The following MYCT1 variants were observed in gnomAD, a reference collection of about 807,000 sequenced individuals.
MYCT1 encodes the protein MYC target 1, also known as myc target protein 1.
In MYCT1, 12 loss-of-function variants were observed where a neutral mutation model predicts 15.0. The observed-to-expected ratio is 0.80, with a 90% CI of 0.51 to 1.29. The LOEUF is 1.29. Ranked by LOEUF, MYCT1 falls within the 50% of genes most tolerant of loss-of-function variation. The probability of loss-of-function intolerance (pLI) is 0.00; values close to 1 mark genes in which losing one functional copy is unlikely to be tolerated. For synonymous variants in MYCT1, 104 were observed against 102.7 expected, an observed-to-expected ratio of 1.01 and a Z score of -0.07; for missense variants, 287 against 279.1, an observed-to-expected ratio of 1.03 and a Z score of -0.20.
chr6:152,743,841 T>C, the MYCT1 span, among the ~76,000 whole-genome samples: 1 of 152,214 alleles, frequency 6.6e-6, no homozygotes, highest in Non-Finnish European at 1.5e-5. Context: ...AATGAGAACA[T>C]TAGTGTTCCA....
At position 152,724,232 on chromosome 6, in the gene MYCT1, A is replaced by C. The variant is rs958454818; in HGVS notation, c.*1979A>C. 7.3e-6 allele frequency: 1 copy of C among 137,292 alleles called. No homozygotes were observed. The highest frequency in any genetic ancestry group is 2.7e-5 in the African/African-American group (1 of 36,912). 8.5% of individuals were successfully genotyped at this position (137,292 alleles called of 1,614,324 possible). A position where few individuals can be genotyped will look rare whatever the true frequency, so the allele number is the denominator to read the frequency against. On this transcript the variant is annotated 3_prime_UTR_variant, in exon 2 of 2. Transcript: ENST00000367245. ...GGAATATTAACTTGGTATCAGGGCT[A>C]CTTTTTTTTTTTTTTTTTTACTTGC... is the stretch of plus-strand genomic sequence containing the variant.
the MYCT1 span, among the ~76,000 whole-genome samples, chr6:152,742,639 A>C: frequency 9.3e-4 from 141 of 152,294 alleles, no homozygotes; most frequent in African/African-American, 3.3e-3. Context: ...ACCCTATTTG[A>C]GTCTATAGAA....
chr6:152,716,822 A>C (rs2099723771), intron 1 of MYCT1, among the ~76,000 whole-genome samples: 1 of 152,236 alleles, frequency 6.6e-6, no homozygotes, highest in African/African-American at 2.4e-5. Context: ...CTGCTTTCAA[A>C]AGGAAAGTTA....
At chr6:152,702,523 G>A (rs1332661216) in intron 1 of MYCT1, among the ~76,000 whole-genome samples, 3 of 152,084 alleles carry the variant, frequency 2.0e-5, no homozygotes, top group African/African-American at 7.2e-5. Context: ...GATTTGTTGG[G>A]GATCAAGTGC....
At chr6:152,738,747 T>C in the MYCT1 span, among the ~76,000 whole-genome samples, 1 of 152,126 alleles carries the variant, frequency 6.6e-6, no homozygotes, top group Non-Finnish European at 1.5e-5. Flanking sequence ...CACATTTAGC[T>C]ACCATTTGTT....
chr6:152,733,210 C>T, the MYCT1 span, among the ~76,000 whole-genome samples: 16 of 152,124 alleles, frequency 1.1e-4, 1 homozygote, highest in African/African-American at 3.9e-4. Context: ...CTCAGGTGAT[C>T]CTGCCACATC....
At chr6:152,730,775 T>G in the MYCT1 span, among the ~76,000 whole-genome samples, 29 of 152,108 alleles carry the variant, frequency 1.9e-4, no homozygotes, top group Admixed American at 6.5e-4. Flanking sequence ...CAACATTAGA[T>G]TAGGTCACAA....
At chr6:152,704,997 C>G (rs1369027346) in intron 1 of MYCT1, among the ~76,000 whole-genome samples, 2 of 152,132 alleles carry the variant, frequency 1.3e-5, no homozygotes, top group Non-Finnish European at 2.9e-5. Flanking sequence ...CTCAGCATCT[C>G]CCTTTTTCCC....
rs745640994 is a variant in MYCT1, at chr6:152,722,260, T to C, written c.*7T>C. 6.3e-7 allele frequency: 1 copy of C among 1,582,116 alleles called. No homozygotes were observed. On this transcript the variant is annotated 3_prime_UTR_variant, in exon 2 of 2. Transcript: ENST00000367245. ...GGCATTCCCAGATTCCTGAGTAGGG[T>C]GGCTTTTGGTTTTTGTTTCTTTCTT...
chr6:152,741,779 G>A, the MYCT1 span, among the ~76,000 whole-genome samples: 2 of 152,114 alleles, frequency 1.3e-5, no homozygotes, highest in Non-Finnish European at 2.9e-5. Flanking sequence ...GCATTATTCA[G>A]ATGACTTAAA....
the MYCT1 span, among the ~76,000 whole-genome samples, chr6:152,745,952 C>T: frequency 6.6e-6 from 1 of 152,282 alleles, no homozygotes; most frequent in African/African-American, 2.4e-5. Context: ...TATTGTTCAG[C>T]CCCTACACTT....
chr6:152,700,766 C>G (rs2099721172), intron 1 of MYCT1, among the ~76,000 whole-genome samples: 1 of 152,156 alleles, frequency 6.6e-6, no homozygotes. Context: ...TCTCTCAGTA[C>G]TTGAGAGTCC....
At chr6:152,743,668 A>T in the MYCT1 span, among the ~76,000 whole-genome samples, 2 of 152,142 alleles carry the variant, frequency 1.3e-5, no homozygotes, top group Non-Finnish European at 2.9e-5. Flanking sequence ...CTCACAACCC[A>T]CTTGAAGAGA....
At chr6:152,729,898 C>T in the MYCT1 span, among the ~76,000 whole-genome samples, 8 of 152,134 alleles carry the variant, frequency 5.3e-5, no homozygotes, top group African/African-American at 1.9e-4. Context: ...GGGATCCAGA[C>T]AGAGTCAGGC....
intron 1 of MYCT1, among the ~76,000 whole-genome samples, chr6:152,720,473 C>G (rs1399467615): frequency 2.0e-5 from 3 of 152,106 alleles, no homozygotes; most frequent in Non-Finnish European, 4.4e-5. Flanking sequence ...AATTTTCAGG[C>G]TATGGCTCTC....
intron 1 of MYCT1, among the ~76,000 whole-genome samples, chr6:152,718,379 G>A (rs920835294): frequency 6.6e-6 from 1 of 151,944 alleles, no homozygotes; most frequent in Non-Finnish European, 1.5e-5. Context: ...TATTTTTGTT[G>A]TTTTTGCTAA....
At chr6:152,732,362 A>G in the MYCT1 span, among the ~76,000 whole-genome samples, 3 of 152,188 alleles carry the variant, frequency 2.0e-5, no homozygotes. Flanking sequence ...CTAGGCATAT[A>G]TGGGAAATTA....
At chr6:152,702,412 G>T (rs1010396948) in intron 1 of MYCT1, among the ~76,000 whole-genome samples, 2 of 152,136 alleles carry the variant, frequency 1.3e-5, no homozygotes, top group Non-Finnish European at 2.9e-5. Flanking sequence ...AAATTATTTA[G>T]TAATTTAAAT....
At chr6:152,725,764 C>T (rs1439454034), downstream of MYCT1, among the ~76,000 whole-genome samples, 1 of 152,184 alleles carries the variant, frequency 6.6e-6, no homozygotes, top group Non-Finnish European at 1.5e-5. Context: ...CTCCTAGCAC[C>T]TGCCAGGTAC....
Sources: gnomAD v4.1 joint callset for allele counts (sites outside exome capture counted in the v4.1 genomes callset) on GRCh38, gnomAD v4.1.1 for gene constraint, MANE v1.5 for transcripts, NCBI Gene and HGNC (gene_info 2026-07-23, HGNC 2026-07-21) for gene names.